DOCK1: variants seen among roughly 807,000 people sequenced by gnomAD.
The protein encoded by DOCK1 is dedicator of cytokinesis 1.
In DOCK1, 138 loss-of-function variants were observed where a neutral mutation model predicts 262.7. The ratio of observed to expected loss-of-function variants is 0.53; its 90% CI spans 0.46 to 0.61. The LOEUF is 0.61. DOCK1 is among the 20% of genes least tolerant of loss of function. The pLI, the probability that DOCK1 is intolerant of heterozygous loss-of-function variation, is 0.00. For synonymous variants in DOCK1, 866 were observed against 867.4 expected (o/e 1.00, Z 0.03); for missense variants, 1,908 against 2,370.7 (o/e 0.80, Z 4.05).
At chr10:127,276,031 A>G (rs1287476852) in intron 29 of DOCK1, among the ~76,000 whole-genome samples, 3 of 152,234 alleles carry the variant, frequency 2.0e-5, no homozygotes, top group Admixed American at 2.0e-4. Context: ...GAAGAGTCTA[A>G]AACGATAGAT....
intron 4 of DOCK1, among the ~76,000 whole-genome samples, chr10:126,987,287 G>C: frequency 6.6e-6 from 1 of 152,172 alleles, no homozygotes; most frequent in East Asian, 1.9e-4. Context: ...TGACGTATGA[G>C]GTGGATGGCT....
rs371631286 is a variant in DOCK1 at position 127,301,079 on chromosome 10, G to A, written c.3045-37927G>A. On this transcript the variant is annotated intron_variant, in intron 29 of 51. Coordinates refer to ENST00000623213, the MANE Select transcript of DOCK1 (RefSeq NM_001290223.2). ...GTCAGTGTTTCTGTCCTAGCAGCAC[G>A]CATCAGTGCAATCAGAGCTCTGTAA... is the stretch of plus-strand genomic sequence containing the variant. 7.9e-5 allele frequency among the ~76,000 whole-genome samples: 12 copies of A among 152,298 alleles called. No individual in the cohort carries two copies. In the South Asian group the frequency reaches 1.2e-3, roughly 16 times the overall value.
intron 1 of DOCK1, among the ~76,000 whole-genome samples, chr10:126,937,250 G>T (rs907014352): frequency 1.5e-4 from 23 of 152,272 alleles, no homozygotes; most frequent in African/African-American, 5.5e-4. Flanking sequence ...GGATACTTGG[G>T]TTGTCTCCAT....
At chr10:127,194,267 A>G (rs1292197474) in intron 27 of DOCK1, among the ~76,000 whole-genome samples, 1 of 152,234 alleles carries the variant, frequency 6.6e-6, no homozygotes, top group African/African-American at 2.4e-5. Context: ...TGCGCCTCTA[A>G]TAAAACCATC....
At chr10:127,395,290 C>T (rs1011274492) in intron 38 of DOCK1, among the ~76,000 whole-genome samples, 2 of 152,134 alleles carry the variant, frequency 1.3e-5, no homozygotes, top group African/African-American at 2.4e-5. Flanking sequence ...GGAGAGGGCC[C>T]TCTGCCTGCT....
chr10:127,271,781 A>T (rs2060577697), intron 29 of DOCK1, among the ~76,000 whole-genome samples: 1 of 152,376 alleles, frequency 6.6e-6, no homozygotes, highest in Middle Eastern at 3.4e-3. Flanking sequence ...AACAAAGTGA[A>T]CCAATAAAAT....
rs182980897 is a variant in DOCK1, at chr10:127,072,921, A to G, written c.2445+11145A>G. Among the ~76,000 whole-genome samples, 241 of 152,284 alleles carry G rather than the reference A, an allele frequency of 1.6e-3. 2 individuals are homozygous for G. Among genetic ancestry groups the G allele is most frequent in the African/African-American group, 5.5e-3 (228 of 41,536 alleles). On this transcript the variant is annotated intron_variant, in intron 23 of 51. Transcript: ENST00000623213. Reference sequence around the variant, plus strand: ...CACTGGCTCTTGTCTGGCTTCTTCAAATGCACCTGTCCCTAGGACCCCTTC... The same window carrying G: ...CACTGGCTCTTGTCTGGCTTCTTCAGATGCACCTGTCCCTAGGACCCCTTC...
At chr10:127,189,921 C>T (rs1222025877) in intron 27 of DOCK1, among the ~76,000 whole-genome samples, 1 of 152,158 alleles carries the variant, frequency 6.6e-6, no homozygotes, top group East Asian at 1.9e-4. Flanking sequence ...GAAGTCACGA[C>T]GTCAAATTGA....
intron 27 of DOCK1, among the ~76,000 whole-genome samples, chr10:127,180,760 C>T (rs1281237978): frequency 1.3e-5 from 2 of 151,872 alleles, no homozygotes; most frequent in Non-Finnish European, 1.5e-5. Flanking sequence ...TCACTCTGGG[C>T]GGCCATTAAA....
intron 27 of DOCK1, among the ~76,000 whole-genome samples, chr10:127,205,369 TG>T (rs1033949834): frequency 2.0e-5 from 3 of 152,274 alleles, no homozygotes; most frequent in African/African-American, 7.2e-5. Context: ...GTTCATCCTC[TG>T]GGTCTCTCAG....
intron 18 of DOCK1, among the ~76,000 whole-genome samples, chr10:127,036,999 A>G (rs2043676809): frequency 7.0e-6 from 1 of 141,890 alleles, no homozygotes; most frequent in Admixed American, 7.0e-5. Flanking sequence ...AAAAAAAAAG[A>G]AAAAGAATAT....
intron 27 of DOCK1, among the ~76,000 whole-genome samples, chr10:127,199,335 G>A (rs532201394): frequency 2.6e-5 from 4 of 152,086 alleles, no homozygotes; most frequent in African/African-American, 9.7e-5. Context: ...CTATGGTATA[G>A]TGAGTTTGAG....
In DOCK1 at chr10:127,224,560, G is replaced by GA. The variant is rs759567078; in HGVS notation, c.2848-23433dup. ...GGTGACAAAACAAGACTCTGCTTCA[G>GA]AAAAAAAAAAAAAAATTGGTGTGGT... On this transcript the variant is annotated intron_variant, in intron 27 of 51. Transcript: ENST00000623213. Among the ~76,000 whole-genome samples, 718 of 128,172 alleles carry GA rather than the reference G, an allele frequency of 5.6e-3. 4 individuals are homozygous for GA. The highest frequency in any genetic ancestry group is 0.013 in the Middle Eastern group (3 of 236). The allele number at this position is 128,172 out of a possible 152,430, so 84.1% of individuals were successfully genotyped here.
chr10:127,195,260 G>A (rs1189684668), intron 27 of DOCK1, among the ~76,000 whole-genome samples: 1 of 152,096 alleles, frequency 6.6e-6, no homozygotes, highest in Non-Finnish European at 1.5e-5. Flanking sequence ...GGCTGCCCGC[G>A]GGCTCCCTCC....
At chr10:127,092,806 A>G (rs1348013487) in intron 23 of DOCK1, among the ~76,000 whole-genome samples, 1 of 152,124 alleles carries the variant, frequency 6.6e-6, no homozygotes, top group East Asian at 1.9e-4. Context: ...ATTACAATTT[A>G]CAAAGGTATT....
intron 1 of DOCK1, among the ~76,000 whole-genome samples, chr10:126,930,777 T>G (rs978776748): frequency 3.9e-5 from 6 of 152,230 alleles, no homozygotes; most frequent in African/African-American, 9.6e-5. Context: ...GCATTAGCCA[T>G]GGCAGAGAAG....
At chr10:127,125,373 A>G (rs1389022690) in intron 25 of DOCK1, 101 bp from the exon 26 acceptor site, 19 of 1,539,056 alleles carry the variant, frequency 1.2e-5, no homozygotes, top group Admixed American at 1.9e-5. Flanking sequence ...GTGTTGCACA[A>G]CGTGAATGCA....
intron 23 of DOCK1, among the ~76,000 whole-genome samples, chr10:127,095,344 G>T (rs573308526): frequency 1.9e-4 from 29 of 152,286 alleles, no homozygotes; most frequent in African/African-American, 7.0e-4. Context: ...TTCTTTTATA[G>T]ATTATTCCAT....
At chr10:127,078,206 C>T (rs912143691) in intron 23 of DOCK1, among the ~76,000 whole-genome samples, 6 of 152,082 alleles carry the variant, frequency 3.9e-5, no homozygotes, top group Non-Finnish European at 8.8e-5. Context: ...CATTATTTTT[C>T]CAGGGGTCTC....
Sources: allele counts gnomAD v4.1 joint callset (sites outside exome capture counted in the v4.1 genomes callset), GRCh38; gene constraint gnomAD v4.1.1; transcripts MANE v1.5; gene names NCBI Gene and HGNC (gene_info 2026-07-23, HGNC 2026-07-21).